The following ZNF644 variants were observed in gnomAD, a reference collection of about 807,000 sequenced individuals.
The protein encoded by ZNF644 is zinc finger motif enhancer binding protein 2.
A neutral mutation model predicts 108.0 loss-of-function variants in ZNF644; 20 were observed. The observed-to-expected ratio is 0.19, with a 90% CI of 0.13 to 0.27. The LOEUF is 0.27. Ranked by LOEUF, ZNF644 falls within the 10% of genes least tolerant of loss-of-function variation. The probability of loss-of-function intolerance (pLI) is 1.00; values close to 1 mark genes in which losing one functional copy is unlikely to be tolerated. For synonymous variants in ZNF644, 542 were observed against 539.1 expected (o/e 1.01, Z -0.08); for missense variants, 1,338 against 1,548.9 (o/e 0.86, Z 2.29).
At chr1:90,925,832 A>C (rs1649972136) in intron 4 of ZNF644, among the ~76,000 whole-genome samples, 1 of 152,154 alleles carries the variant, frequency 6.6e-6, no homozygotes, top group South Asian at 2.1e-4. Flanking sequence ...CTGATTCAAC[A>C]AGTGTGGTTA....
intron 2 of ZNF644, among the ~76,000 whole-genome samples, chr1:90,943,581 G>A (rs541363542): frequency 2.3e-4 from 35 of 152,006 alleles, no homozygotes; most frequent in African/African-American, 8.4e-4. Context: ...CAGTATCTTT[G>A]ACATTGTTTT....
At chr1:91,011,137 A>G (rs145042837) in intron 1 of ZNF644, among the ~76,000 whole-genome samples, 13 of 152,316 alleles carry the variant, frequency 8.5e-5, no homozygotes, top group African/African-American at 3.1e-4. Flanking sequence ...AATTTAACCA[A>G]TTTGCTTTAG....
chr1:90,964,631 C>T (rs1654657204), intron 2 of ZNF644, among the ~76,000 whole-genome samples: 3 of 152,162 alleles, frequency 2.0e-5, no homozygotes, highest in African/African-American at 7.2e-5. Context: ...TTTTAAGCCA[C>T]ATAGTGCCAC....
chr1:90,952,134 T>C (rs142544907), intron 2 of ZNF644, among the ~76,000 whole-genome samples: 18 of 152,300 alleles, frequency 1.2e-4, no homozygotes, highest in Non-Finnish European at 2.4e-4. Flanking sequence ...GTGATACAAA[T>C]ACATTTATTT....
chr1:90,989,025 T>A (rs1457607847), intron 1 of ZNF644, among the ~76,000 whole-genome samples: 1 of 152,138 alleles, frequency 6.6e-6, no homozygotes, highest in Non-Finnish European at 1.5e-5. Context: ...AAAATGGAAT[T>A]ACATTAAAAG....
In ZNF644 at chr1:90,917,833, C is replaced by G. The variant is rs561073794; in HGVS notation, c.3791+219G>C. Reference sequence around the variant, plus strand: ...AATAAATCACAGTATAATAGATTTACATTACTATTGGCTAATGTAAAAAAC... The same window carrying G: ...AATAAATCACAGTATAATAGATTTAGATTACTATTGGCTAATGTAAAAAAC... On this transcript the variant is annotated intron_variant, in intron 5 of 5. Coordinates refer to ENST00000337393, the MANE Select transcript of ZNF644 (RefSeq NM_201269.3). Among the ~76,000 whole-genome samples, 3 of 152,308 alleles carry G rather than the reference C, an allele frequency of 2.0e-5. No individual in the cohort carries two copies. In the East Asian group the frequency reaches 5.8e-4, roughly 29 times the overall value.
At chr1:90,952,997 C>A (rs74099874) in intron 2 of ZNF644, among the ~76,000 whole-genome samples, 1,752 of 131,950 alleles carry the variant, frequency 0.013, 34 homozygotes, top group African/African-American at 0.047. Flanking sequence ...TATAAAGAGA[C>A]AACAATTAGA....
At chr1:90,952,716 A>T (rs975072243) in intron 2 of ZNF644, among the ~76,000 whole-genome samples, 1 of 152,186 alleles carries the variant, frequency 6.6e-6, no homozygotes, top group East Asian at 1.9e-4. Context: ...GCTGAAACTG[A>T]TATGGTAAAA....
intron 1 of ZNF644, chr1:91,021,305 A>G (rs931664337): frequency 1.5e-4 from 23 of 152,734 alleles, no homozygotes; most frequent in African/African-American, 5.3e-4. Context: ...ACCTAGCCGC[A>G]TAAGATCTTG....
intron 1 of ZNF644, among the ~76,000 whole-genome samples, chr1:90,992,189 A>T (rs147098380): frequency 6.6e-6 from 1 of 152,170 alleles, no homozygotes; most frequent in East Asian, 1.9e-4. Flanking sequence ...TTGAAACTAA[A>T]GGGTATGTTG....
chr1:90,923,428 CT>C (rs1649690770), intron 4 of ZNF644, among the ~76,000 whole-genome samples: 1 of 152,150 alleles, frequency 6.6e-6, no homozygotes, highest in Non-Finnish European at 1.5e-5. Context: ...TCCCCTACTC[CT>C]ATCAACATCA....
rs527923075 is a variant in ZNF644, at chr1:90,948,452, T to G, written c.45-7143A>C. On this transcript the variant is annotated intron_variant, in intron 2 of 5. Transcript: ENST00000337393. ...AACTGGTGCCTTAACAGATTGTTAATGCGGATGAAACTACTGTCATCCCTC... is the reference window on the plus strand; with the variant it reads ...AACTGGTGCCTTAACAGATTGTTAAGGCGGATGAAACTACTGTCATCCCTC... Among the ~76,000 whole-genome samples the G allele has an allele frequency of 5.1e-4, 77 of 152,346 alleles. 1 individual carries two copies. The highest frequency in any genetic ancestry group is 5.0e-4 in the Non-Finnish European group (34 of 68,022).
intron 4 of ZNF644, among the ~76,000 whole-genome samples, chr1:90,928,646 A>C (rs1650359950): frequency 6.6e-6 from 1 of 151,866 alleles, no homozygotes; most frequent in Non-Finnish European, 1.5e-5. Context: ...AACATCCTTT[A>C]ATGACTTCCT....
At chr1:90,979,707 C>T (rs929208472) in intron 2 of ZNF644, among the ~76,000 whole-genome samples, 4 of 151,954 alleles carry the variant, frequency 2.6e-5, no homozygotes, top group Middle Eastern at 3.2e-3. Context: ...ACTAGTGTTC[C>T]CAATCTTCTA....
intron 4 of ZNF644, among the ~76,000 whole-genome samples, chr1:90,934,189 C>T (rs1224236075): frequency 1.3e-5 from 2 of 152,184 alleles, no homozygotes; most frequent in African/African-American, 4.8e-5. Context: ...ACTCACCCCA[C>T]TCCTCTCTTT....
At chr1:91,005,117 T>A (rs965160667) in intron 1 of ZNF644, among the ~76,000 whole-genome samples, 1 of 151,856 alleles carries the variant, frequency 6.6e-6, no homozygotes, top group East Asian at 1.9e-4. Flanking sequence ...TAGATACAAA[T>A]AAACTGAAAG....
At chr1:90,960,680 C>T (rs934101192) in intron 2 of ZNF644, among the ~76,000 whole-genome samples, 4 of 152,064 alleles carry the variant, frequency 2.6e-5, no homozygotes, top group Admixed American at 6.6e-5. Context: ...CAACCAAAGC[C>T]CAAATCCTGT....
At chr1:91,012,600 G>C (rs1322436060) in intron 1 of ZNF644, among the ~76,000 whole-genome samples, 1 of 152,150 alleles carries the variant, frequency 6.6e-6, no homozygotes, top group African/African-American at 2.4e-5. Flanking sequence ...GGAGCACAAG[G>C]CACCTTTAAT....
At chr1:90,984,467 A>G (rs1318417378) in intron 1 of ZNF644, among the ~76,000 whole-genome samples, 4 of 151,918 alleles carry the variant, frequency 2.6e-5, no homozygotes. Context: ...GGCTCACTAC[A>G]AACTCTGCCT....
Sources: gnomAD v4.1 joint callset for allele counts (sites outside exome capture counted in the v4.1 genomes callset) on GRCh38, gnomAD v4.1.1 for gene constraint, MANE v1.5 for transcripts, NCBI Gene and HGNC (gene_info 2026-07-23, HGNC 2026-07-21) for gene names.